The following IFT88 variants were observed in gnomAD, a reference collection of about 807,000 sequenced individuals.
The protein encoded by IFT88 is intraflagellar transport 88, also known as intraflagellar transport protein 88 homolog.
IFT88 carries 74 observed loss-of-function variants against 119.5 expected under a neutral mutation model. The ratio of observed to expected loss-of-function variants is 0.62; its 90% CI spans 0.51 to 0.75. The LOEUF (loss-of-function observed/expected upper bound fraction) is 0.75, where lower values mean the gene tolerates loss of function less well. Ranked by LOEUF, IFT88 falls within the 30% of genes least tolerant of loss-of-function variation. IFT88 has a pLI of 0.00. For synonymous variants in IFT88, 279 were observed against 316.7 expected (o/e 0.88, Z 1.26); for missense variants, 961 against 977.7 (o/e 0.98, Z 0.23).
chr13:20,597,484 C>A (rs1274328551), intron 9 of IFT88, among the ~76,000 whole-genome samples: 1 of 152,128 alleles, frequency 6.6e-6, no homozygotes, highest in Non-Finnish European at 1.5e-5. Context: ...GTGGCTCACG[C>A]CTGTAATCCC....
chr13:20,690,822 A>G lies in IFT88; in HGVS notation c.2353+7A>G, dbSNP rs1469744362. 5 of 1,585,888 alleles carry G rather than the reference A, an allele frequency of 3.2e-6. No individual in the cohort carries two copies. Among genetic ancestry groups the G allele is most frequent in the Non-Finnish European group, 4.3e-6 (5 of 1,154,286 alleles). ...AGCAGTAACAAAGAAATAGGCAAGTACTCTCCACCCAGTTCCTCCAGGCAT... is the reference window on the plus strand; with the variant it reads ...AGCAGTAACAAAGAAATAGGCAAGTGCTCTCCACCCAGTTCCTCCAGGCAT... On this transcript the variant is annotated splice_region_variant and intron_variant, in intron 25 of 25. Coordinates refer to ENST00000351808, the MANE Select transcript of IFT88 (RefSeq NM_006531.5).
chr13:20,664,884 C>A (rs1195234436), intron 23 of IFT88, among the ~76,000 whole-genome samples: 3 of 152,056 alleles, frequency 2.0e-5, no homozygotes. Flanking sequence ...TCGAGACCAT[C>A]CTGGCTAACA....
chr13:20,690,827 C>T lies in IFT88; in HGVS notation c.2353+12C>T, dbSNP rs1594980186. On this transcript the variant is annotated intron_variant, in intron 25 of 25. Transcript: ENST00000351808. The stretch of plus-strand genomic sequence containing the variant: ...TAACAAAGAAATAGGCAAGTACTCT[C>T]CACCCAGTTCCTCCAGGCATAGCAG... The T allele has an allele frequency of 3.8e-6, 6 of 1,562,830 alleles. No individual in the cohort carries two copies. Among genetic ancestry groups the T allele is most frequent in the Non-Finnish European group, 5.3e-6 (6 of 1,133,384 alleles).
chr13:20,597,635 T>C (rs1158509551), intron 9 of IFT88, among the ~76,000 whole-genome samples: 2 of 151,628 alleles, frequency 1.3e-5, no homozygotes, highest in African/African-American at 4.8e-5. Flanking sequence ...TCCCAGCTAC[T>C]TGGGAGGCTG....
chr13:20,583,027 A>G lies in IFT88; in HGVS notation c.153+8A>G. ...CATGGCAGAAGACCTCCAGTAAGTG[A>G]AAAAAATTTTTTTTAAATTGTGGTA... On this transcript the variant is annotated splice_region_variant and intron_variant, in intron 3 of 25. Transcript: ENST00000351808. 1 of 1,589,798 alleles carries G rather than the reference A, an allele frequency of 6.3e-7. No individual in the cohort carries two copies. Among genetic ancestry groups the G allele is most frequent in the Non-Finnish European group, 8.6e-7 (1 of 1,166,104 alleles).
chr13:20,612,134 T>C (rs528321568), intron 13 of IFT88: 2 of 152,174 alleles, frequency 1.3e-5, no homozygotes, highest in South Asian at 2.1e-4. Context: ...TATACAAAAA[T>C]CAATAGTGTA....
At chr13:20,678,269 G>A (rs1237989283) in intron 24 of IFT88, among the ~76,000 whole-genome samples, 1 of 152,192 alleles carries the variant, frequency 6.6e-6, no homozygotes, top group Non-Finnish European at 1.5e-5. Flanking sequence ...CTCAGTTATG[G>A]AGACCCTAAC....
chr13:20,671,371 A>C (rs1287987876), intron 24 of IFT88, among the ~76,000 whole-genome samples: 1 of 152,196 alleles, frequency 6.6e-6, no homozygotes, highest in Non-Finnish European at 1.5e-5. Context: ...TAAAATTTCC[A>C]TTTGAAGGAA....
At chr13:20,630,881 T>C (rs2048105183) in intron 15 of IFT88, 135 bp from the exon 16 acceptor site, 1 of 515,802 alleles carries the variant, frequency 1.9e-6, no homozygotes, top group African/African-American at 1.9e-5. Context: ...TAATCTGTTT[T>C]CTTGAACATC....
chr13:20,590,253 T>C (rs1169151980), intron 4 of IFT88, among the ~76,000 whole-genome samples: 1 of 152,134 alleles, frequency 6.6e-6, no homozygotes, highest in Non-Finnish European at 1.5e-5. Context: ...GTAAGAAAAG[T>C]GTTTCAGAAG....
intron 3 of IFT88, among the ~76,000 whole-genome samples, chr13:20,589,044 A>G (rs1454481447): frequency 6.6e-6 from 1 of 152,174 alleles, no homozygotes. Context: ...CTCTAGGAGG[A>G]AAGCAGGCCT....
At chr13:20,574,526 T>A in intron 2 of IFT88, 51 bp downstream of exon 2, 1 of 961,092 alleles carries the variant, frequency 1.0e-6, no homozygotes, top group Non-Finnish European at 1.6e-6. Context: ...CCAGCTGGTT[T>A]ATGAAGACTG....
At chr13:20,675,265 C>CG (rs1018576123) in intron 24 of IFT88, among the ~76,000 whole-genome samples, 11 of 151,924 alleles carry the variant, frequency 7.2e-5, no homozygotes, top group African/African-American at 2.7e-4. Flanking sequence ...CTTGAGAGGC[C>CG]GGGGGGCGGG....
At chr13:20,683,512 T>C (rs1186069567) in intron 24 of IFT88, among the ~76,000 whole-genome samples, 1 of 152,166 alleles carries the variant, frequency 6.6e-6, no homozygotes, top group Non-Finnish European at 1.5e-5. Flanking sequence ...AGTCCCAGGT[T>C]GTCCATCGAG....
chr13:20,573,809 A>G (rs1169171232), intron 1 of IFT88, among the ~76,000 whole-genome samples: 1 of 152,204 alleles, frequency 6.6e-6, no homozygotes, highest in African/African-American at 2.4e-5. Context: ...TGCACTTGAT[A>G]CTAAGCTTCC....
intron 24 of IFT88, among the ~76,000 whole-genome samples, chr13:20,680,403 C>T (rs1433796865): frequency 6.6e-6 from 1 of 152,184 alleles, no homozygotes; most frequent in African/African-American, 2.4e-5. Context: ...TATACCTCCA[C>T]TGGGGGGTCT....
intron 2 of IFT88, among the ~76,000 whole-genome samples, chr13:20,577,849 C>T (rs989797697): frequency 7.2e-5 from 11 of 151,934 alleles, no homozygotes; most frequent in African/African-American, 1.2e-4. Flanking sequence ...GTTTTGGTAT[C>T]GGTAATACTG....
chr13:20,641,895 C>T (rs549859632), intron 18 of IFT88: 1 of 152,980 alleles, frequency 6.5e-6, no homozygotes, highest in African/African-American at 2.4e-5. Context: ...TTCATATGAA[C>T]TCATTCATTC....
intron 19 of IFT88, 74 bp downstream of exon 19, chr13:20,643,679 T>A: frequency 9.9e-7 from 1 of 1,013,328 alleles, no homozygotes; most frequent in Non-Finnish European, 1.5e-6. Context: ...AGCAAGGCTT[T>A]AAAATTTTAG....
Sources: gnomAD v4.1 joint callset for allele counts (sites outside exome capture counted in the v4.1 genomes callset) on GRCh38, gnomAD v4.1.1 for gene constraint, MANE v1.5 for transcripts, NCBI Gene and HGNC (gene_info 2026-07-23, HGNC 2026-07-21) for gene names.